RIMS2: variants seen among roughly 807,000 people sequenced by gnomAD.
RIMS2 encodes the protein regulating synaptic membrane exocytosis protein 2.
A neutral mutation model predicts 174.4 loss-of-function variants in RIMS2; 59 were observed. The ratio of observed to expected loss-of-function variants is 0.34; its 90% CI spans 0.27 to 0.42. The LOEUF (loss-of-function observed/expected upper bound fraction) is 0.42, where lower values mean the gene tolerates loss of function less well. Ranked by LOEUF, RIMS2 falls within the 10% of genes least tolerant of loss-of-function variation. The pLI, the probability that RIMS2 is intolerant of heterozygous loss-of-function variation, is 1.00. For synonymous variants in RIMS2, 606 were observed against 572.5 expected (o/e 1.06, Z -0.84); for missense variants, 1,620 against 1,666.3 (o/e 0.97, Z 0.48).
At chr8:104,207,083 A>G (rs939055613) in intron 19 of RIMS2, among the ~76,000 whole-genome samples, 2 of 152,052 alleles carry the variant, frequency 1.3e-5, no homozygotes, top group Non-Finnish European at 2.9e-5. Flanking sequence ...ACTAGGATTA[A>G]AAAAAAACAG....
At chr8:103,562,558 C>T (rs1034344819) in intron 1 of RIMS2, among the ~76,000 whole-genome samples, 5 of 152,194 alleles carry the variant, frequency 3.3e-5, no homozygotes, top group Non-Finnish European at 7.3e-5. Flanking sequence ...TACAGCCTCC[C>T]TCCCGCTGCC....
intron 1 of RIMS2, among the ~76,000 whole-genome samples, chr8:103,674,014 C>A (rs897976041): frequency 2.0e-5 from 3 of 152,342 alleles, no homozygotes; most frequent in Admixed American, 2.0e-4. Flanking sequence ...CCTAGGTCAT[C>A]ACTCTGAAGT....
chr8:104,029,069 A>G (rs1349591684), intron 19 of RIMS2, among the ~76,000 whole-genome samples: 1 of 152,184 alleles, frequency 6.6e-6, no homozygotes, highest in Non-Finnish European at 1.5e-5. Context: ...TTTAGACCAT[A>G]TAGGGTAACT....
intron 1 of RIMS2, among the ~76,000 whole-genome samples, chr8:103,532,763 A>C (rs1057238010): frequency 2.0e-5 from 3 of 152,250 alleles, no homozygotes; most frequent in African/African-American, 7.2e-5. Flanking sequence ...CAGCATTTTG[A>C]GTGCCATGAA....
chr8:103,917,628 A>T (rs1313953275), intron 8 of RIMS2, among the ~76,000 whole-genome samples: 1 of 152,222 alleles, frequency 6.6e-6, no homozygotes, highest in Non-Finnish European at 1.5e-5. Context: ...ATCTCAAATA[A>T]AAAGATACAC....
At chr8:104,119,285 G>T (rs544639557) in intron 19 of RIMS2, among the ~76,000 whole-genome samples, 12 of 151,894 alleles carry the variant, frequency 7.9e-5, no homozygotes, top group African/African-American at 2.4e-4. Context: ...GCTTGAACCC[G>T]GGTGGCAGAA....
intron 1 of RIMS2, among the ~76,000 whole-genome samples, chr8:103,565,067 G>A (rs995721212): frequency 1.3e-5 from 2 of 151,924 alleles, no homozygotes; most frequent in African/African-American, 4.9e-5. Flanking sequence ...TCTGAGACTT[G>A]ACAGACATAT....
chr8:103,819,290 A>T (rs2098736610), intron 3 of RIMS2: 1 of 1,368,252 alleles, frequency 7.3e-7, no homozygotes, highest in Admixed American at 3.1e-5. Context: ...GAGAAAGCCG[A>T]AAGCTGCACG....
intron 1 of RIMS2, among the ~76,000 whole-genome samples, chr8:103,660,790 A>T (rs1333181458): frequency 6.6e-6 from 1 of 152,230 alleles, no homozygotes; most frequent in African/African-American, 2.4e-5. Flanking sequence ...TAAGTAAATA[A>T]ACTTTTAAAA....
intron 1 of RIMS2, among the ~76,000 whole-genome samples, chr8:103,621,888 AG>A (rs1181334078): frequency 6.6e-6 from 1 of 152,196 alleles, no homozygotes; most frequent in Non-Finnish European, 1.5e-5. Context: ...ATTGTTTCTA[AG>A]TACCTAAGTG....
intron 2 of RIMS2, among the ~76,000 whole-genome samples, chr8:103,764,135 A>T (rs1377316805): frequency 6.6e-6 from 1 of 152,208 alleles, no homozygotes; most frequent in African/African-American, 2.4e-5. Flanking sequence ...TCTGAAATAC[A>T]TTAAGTAACC....
chr8:104,185,249 A>T (rs1218565559), intron 19 of RIMS2, among the ~76,000 whole-genome samples: 3 of 151,530 alleles, frequency 2.0e-5, no homozygotes, highest in Non-Finnish European at 4.4e-5. Flanking sequence ...AACAAAAATG[A>T]TTCTTTATAC....
At chr8:104,239,911 G>A (rs2099277827) in intron 19 of RIMS2, among the ~76,000 whole-genome samples, 1 of 152,118 alleles carries the variant, frequency 6.6e-6, no homozygotes, top group Admixed American at 6.6e-5. Flanking sequence ...GAGAAAATCA[G>A]CTTTCAAGGC....
intron 19 of RIMS2, among the ~76,000 whole-genome samples, chr8:104,228,480 T>C (rs2099203690): frequency 6.6e-6 from 1 of 152,226 alleles, no homozygotes; most frequent in African/African-American, 2.4e-5. Flanking sequence ...CCTTACGCCG[T>C]TGAAATAAGA....
chr8:104,041,470 A>C (rs756020508), intron 19 of RIMS2, 112 bp downstream of exon 22: 24 of 533,758 alleles, frequency 4.5e-5, no homozygotes, highest in Non-Finnish European at 7.2e-5. Flanking sequence ...TAATATAACA[A>C]AATATTAAAT....
intron 3 of RIMS2, among the ~76,000 whole-genome samples, chr8:103,839,695 G>C (rs549686338): frequency 1.1e-4 from 16 of 152,252 alleles, no homozygotes; most frequent in Admixed American, 7.2e-4. Context: ...TAGAGTTTGG[G>C]CAGGAACAAG....
Position 103,833,616 on chromosome 8 carries a change from A to G in RIMS2, c.699-51682A>G, listed in dbSNP as rs7826852. Among the ~76,000 whole-genome samples the G allele has an allele frequency of 4.9e-3, 739 of 152,034 alleles. 4 individuals are homozygous for G. Among genetic ancestry groups the G allele is most frequent in the African/African-American group, 0.017 (714 of 41,486 alleles). Reference sequence around the variant, plus strand: ...AAATTTTATTGATTTTATTTCTTTCAGAATCTCTTATCAGAGGTAAAGCTC... The same window carrying G: ...AAATTTTATTGATTTTATTTCTTTCGGAATCTCTTATCAGAGGTAAAGCTC... On this transcript the variant is annotated intron_variant, in intron 3 of 23. Coordinates refer to ENST00000504942, the Ensembl canonical transcript of RIMS2.
At chr8:104,040,766 T>A (rs949910239) in intron 19 of RIMS2, among the ~76,000 whole-genome samples, 2 of 151,872 alleles carry the variant, frequency 1.3e-5, no homozygotes, top group African/African-American at 4.8e-5. Flanking sequence ...TTTTGCTGTA[T>A]TGAAATAATT....
At chr8:104,236,878 T>C (rs1480316462) in intron 19 of RIMS2, among the ~76,000 whole-genome samples, 1 of 152,158 alleles carries the variant, frequency 6.6e-6, no homozygotes, top group Non-Finnish European at 1.5e-5. Flanking sequence ...GTATAAACTT[T>C]AGTCAATAGT....
Sources: allele counts gnomAD v4.1 joint callset (sites outside exome capture counted in the v4.1 genomes callset), GRCh38; gene constraint gnomAD v4.1.1; transcripts MANE v1.5; gene names NCBI Gene and HGNC (gene_info 2026-07-23, HGNC 2026-07-21).